ARPP19: variants seen among roughly 807,000 people sequenced by gnomAD.
The protein encoded by ARPP19 is cAMP-regulated phosphoprotein 19.
A neutral mutation model predicts 12.0 loss-of-function variants in ARPP19; 8 were observed. The observed-to-expected ratio is 0.67, with a 90% CI of 0.39 to 1.21. ARPP19 has a LOEUF of 1.21. Ranked by LOEUF, ARPP19 falls within the 50% of genes most tolerant of loss-of-function variation. The probability of loss-of-function intolerance (pLI) is 0.01; values close to 1 mark genes in which losing one functional copy is unlikely to be tolerated. For missense variants in ARPP19, 102 were observed against 136.3 expected (o/e 0.75, Z 1.25); for synonymous variants, 47 against 50.4 (o/e 0.93, Z 0.29).
rs2077888786 is a variant in ARPP19 at position 52,547,525 on chromosome 15, A to G, written c.*4409T>C. 6.6e-6 allele frequency: 1 copy of G among 152,210 alleles called. No individual in the cohort carries two copies. Among genetic ancestry groups the G allele is most frequent in the South Asian group, 2.1e-4 (1 of 4,838 alleles). 9.4% of individuals were successfully genotyped at this position (152,210 alleles called of 1,614,324 possible). On this transcript the variant is annotated 3_prime_UTR_variant, in exon 3 of 3. Coordinates refer to ENST00000249822, the MANE Select transcript of ARPP19 (RefSeq NM_006628.6). ...TTGAAAAATAACATAATACAAACAT[A>G]TATTAATGGCTATCAAGACCAGCAG...
At chr15:52,553,155 A>T (rs1326402836) in intron 2 of ARPP19, among the ~76,000 whole-genome samples, 2 of 152,196 alleles carry the variant, frequency 1.3e-5, no homozygotes, top group Non-Finnish European at 2.9e-5. Flanking sequence ...TGTTATTTAG[A>T]ACAAGTGTTT....
In ARPP19 at chr15:52,547,258, T is replaced by G. The variant is rs2077885508; in HGVS notation, c.*4676A>C. 6.6e-6 allele frequency: 1 copy of G among 152,212 alleles called. No homozygotes were observed. Among genetic ancestry groups the G allele is most frequent in the Admixed American group, 6.5e-5 (1 of 15,286 alleles). 9.4% of individuals were successfully genotyped at this position (152,212 alleles called of 1,614,324 possible). A position where few individuals can be genotyped will look rare whatever the true frequency, so the allele number is the denominator to read the frequency against. ...ATCAATAGAAATTAGGTAGATCCAT[T>G]TATTTTTTAAATACAAGTATAATTT... On this transcript the variant is annotated 3_prime_UTR_variant, in exon 3 of 3. Transcript: ENST00000249822.
intron 1 of ARPP19, among the ~76,000 whole-genome samples, chr15:52,561,231 T>A (rs1568954): frequency 1.3e-5 from 2 of 152,126 alleles, no homozygotes; most frequent in African/African-American, 2.4e-5. Context: ...TAAGCTAGAA[T>A]GAAAACAAAG....
intron 2 of ARPP19, among the ~76,000 whole-genome samples, chr15:52,553,260 C>T (rs1441308953): frequency 6.6e-6 from 1 of 152,044 alleles, no homozygotes; most frequent in East Asian, 1.9e-4. Context: ...GAAATAAACT[C>T]ACTAGAAATT....
intron 1 of ARPP19, among the ~76,000 whole-genome samples, chr15:52,563,914 C>T (rs1402325758): frequency 1.3e-5 from 2 of 152,196 alleles, no homozygotes; most frequent in Non-Finnish European, 2.9e-5. Context: ...TAGTGCCTAG[C>T]ATTTAATGAA....
chr15:52,561,767 T>A (rs1595866141), intron 1 of ARPP19, among the ~76,000 whole-genome samples: 2 of 148,292 alleles, frequency 1.3e-5, no homozygotes, highest in Non-Finnish European at 3.0e-5. Flanking sequence ...TTAAATCCAG[T>A]GGCTGGATTA....
At chr15:52,569,362 T>G, upstream of ARPP19, 1 of 194,836 alleles carries the variant, frequency 5.1e-6, no homozygotes, top group Non-Finnish European at 1.0e-5. Context: ...CTCCGCTCTG[T>G]AGCCACACAG....
Position 52,552,118 on chromosome 15 carries a change from CAAAA to C in ARPP19, c.169-18_169-15del, listed in dbSNP as rs750179875. ...AAAATATTTTTGCTATAAGTAAAAA[CAAAA>C]AAAATTCAGATTAGAGCTTAGCAAT... On this transcript the variant is annotated splice_polypyrimidine_tract_variant and intron_variant, in intron 2 of 2. Transcript: ENST00000249822. The C allele has an allele frequency of 3.2e-6, 5 of 1,555,630 alleles. No homozygotes were observed. The highest frequency in any genetic ancestry group is 4.4e-6 in the Non-Finnish European group (5 of 1,129,102).
intron 1 of ARPP19, among the ~76,000 whole-genome samples, chr15:52,565,668 C>G (rs923750951): frequency 1.6e-4 from 24 of 152,104 alleles, no homozygotes; most frequent in African/African-American, 5.1e-4. Flanking sequence ...ATAGTTTACT[C>G]TTAAAAGGGG....
intron 1 of ARPP19, among the ~76,000 whole-genome samples, chr15:52,558,227 T>C (rs545179251): frequency 1.3e-4 from 20 of 152,090 alleles, no homozygotes; most frequent in Non-Finnish European, 2.6e-4. Flanking sequence ...GTGGGCGGAT[T>C]GCTTGAAGCT....
Position 52,568,842 on chromosome 15 carries a change from G to C in ARPP19, c.45+6C>G. The C allele has an allele frequency of 6.4e-7, 1 of 1,569,424 alleles. No homozygotes were observed. The highest frequency in any genetic ancestry group is 8.6e-7 in the Non-Finnish European group (1 of 1,162,112). On this transcript the variant is annotated splice_donor_region_variant and intron_variant, in intron 1 of 2. Coordinates refer to ENST00000249822, the MANE Select transcript of ARPP19 (RefSeq NM_006628.6). Reference sequence around the variant, plus strand: ...AGGGCCCAGGGCTCACGCCCCGCGCGCTCACCTTCTGCTCCTCCGCGGAGG... The same window carrying C: ...AGGGCCCAGGGCTCACGCCCCGCGCCCTCACCTTCTGCTCCTCCGCGGAGG...
At chr15:52,564,591 C>T (rs1353363063) in intron 1 of ARPP19, among the ~76,000 whole-genome samples, 1 of 152,036 alleles carries the variant, frequency 6.6e-6, no homozygotes, top group Admixed American at 6.5e-5. Flanking sequence ...CCTCTTCTAC[C>T]ACTCATAAAG....
At chr15:52,560,634 A>G (rs1451013103) in intron 1 of ARPP19, among the ~76,000 whole-genome samples, 1 of 152,232 alleles carries the variant, frequency 6.6e-6, no homozygotes, top group African/African-American at 2.4e-5. Context: ...TCCTACAGAA[A>G]CATTCTACAG....
rs778624480 is a variant in ARPP19 at position 52,550,962 on chromosome 15, G to T, written c.*972C>A. ...TATGCCTAAGCAACATATCGTATTT[G>T]CACAAGGCCACTGAATGTCATGGAT... On this transcript the variant is annotated 3_prime_UTR_variant, in exon 3 of 3. Transcript: ENST00000249822. 1.7e-4 allele frequency: 26 copies of T among 152,676 alleles called. No individual in the cohort carries two copies. The highest frequency in any genetic ancestry group is 3.2e-4 in the Non-Finnish European group (22 of 68,052). The allele number at this position is 152,676 out of a possible 1,614,324, so 9.5% of individuals were successfully genotyped here.
chr15:52,557,777 G>C (rs566202689), intron 1 of ARPP19: 3 of 152,016 alleles, frequency 2.0e-5, no homozygotes, highest in Admixed American at 2.0e-4. Context: ...ATGGGGTCTT[G>C]CTATATTGCC....
At position 52,551,259 on chromosome 15, in the gene ARPP19, A is replaced by T. The variant is rs1171289886; in HGVS notation, c.*675T>A. On this transcript the variant is annotated 3_prime_UTR_variant, in exon 3 of 3. Transcript: ENST00000249822. ...AATTCAACAGTTAATGCACATGCAT[A>T]CTTCATTCACATCTTCAACAACAAA... 6.5e-6 allele frequency: 1 copy of T among 152,710 alleles called. No individual in the cohort carries two copies. Among genetic ancestry groups the T allele is most frequent in the Non-Finnish European group, 1.5e-5 (1 of 68,050 alleles). 9.5% of individuals were successfully genotyped at this position (152,710 alleles called of 1,614,324 possible).
Position 52,568,952 on chromosome 15 carries a change from A to G in ARPP19, c.-60T>C. The G allele has an allele frequency of 3.1e-6, 2 of 653,142 alleles. No homozygotes were observed. Among genetic ancestry groups the G allele is most frequent in the Non-Finnish European group, 2.6e-6 (1 of 391,466 alleles). The allele number at this position is 653,142 out of a possible 1,614,324, so 40.5% of individuals were successfully genotyped here. On this transcript the variant is annotated 5_prime_UTR_variant, in exon 1 of 3. Coordinates refer to ENST00000249822, the MANE Select transcript of ARPP19 (RefSeq NM_006628.6). ...ATGCAATTAGCGGGTGGCCGAGGCC[A>G]CCCGGCCGCCGCCCGTCCCAGCTCT...
rs2077938249 is a variant in ARPP19, at chr15:52,552,109, A to C, written c.169-5T>G. 1 of 1,592,396 alleles carries C rather than the reference A, an allele frequency of 6.3e-7. No homozygotes were observed. The highest frequency in any genetic ancestry group is 8.6e-7 in the Non-Finnish European group (1 of 1,160,454). ...CCCAGAATCAAAATATTTTTGCTATAAGTAAAAACAAAAAAAATTCAGATT... is the reference window on the plus strand; with the variant it reads ...CCCAGAATCAAAATATTTTTGCTATCAGTAAAAACAAAAAAAATTCAGATT... On this transcript the variant is annotated splice_polypyrimidine_tract_variant and splice_region_variant and intron_variant, in intron 2 of 2. Coordinates refer to ENST00000249822, the MANE Select transcript of ARPP19 (RefSeq NM_006628.6).
At chr15:52,567,873 G>A (rs117927394) in intron 1 of ARPP19, among the ~76,000 whole-genome samples, 3,768 of 152,194 alleles carry the variant, frequency 0.025, 67 homozygotes, top group Non-Finnish European at 0.037. Flanking sequence ...AGGTCAAGCA[G>A]TAGACCAAAA....
Sources: allele counts gnomAD v4.1 joint callset (sites outside exome capture counted in the v4.1 genomes callset), GRCh38; gene constraint gnomAD v4.1.1; transcripts MANE v1.5; gene names NCBI Gene and HGNC (gene_info 2026-07-23, HGNC 2026-07-21).